GAS6: variants seen among roughly 807,000 people sequenced by gnomAD.
GAS6 encodes growth arrest specific 6.
In GAS6, 41 loss-of-function variants were observed where a neutral mutation model predicts 75.8. That is an observed-to-expected ratio of 0.54 (90% CI 0.42 to 0.70). GAS6 has a LOEUF of 0.70. Among genes scored for constraint, GAS6 ranks in the 30% least tolerant of loss-of-function variants. The probability of loss-of-function intolerance (pLI) is 0.00; values close to 1 mark genes in which losing one functional copy is unlikely to be tolerated. For missense variants in GAS6, 854 were observed against 940.2 expected, an observed-to-expected ratio of 0.91 and a Z score of 1.20; for synonymous variants, 432 against 412.6, an observed-to-expected ratio of 1.05 and a Z score of -0.57.
chr13:113,853,936 C>G (rs2051894694), intron 2 of GAS6, among the ~76,000 whole-genome samples: 1 of 152,252 alleles, frequency 6.6e-6, no homozygotes, highest in African/African-American at 2.4e-5. Context: ...GCAGCCTGCT[C>G]TAGCCCTGAG....
chr13:113,834,530 G>T (rs780670245), intron 8 of GAS6, 21 bp downstream of exon 8: 1 of 1,525,792 alleles, frequency 6.6e-7, no homozygotes, highest in Non-Finnish European at 8.8e-7. Context: ...TGAAGGGCCC[G>T]CGGGGCCAGG....
Position 113,847,002 on chromosome 13 carries a change from G to A in GAS6, c.281-413C>T, listed in dbSNP as rs144396150. On this transcript the variant is annotated intron_variant, in intron 3 of 14. Coordinates refer to ENST00000327773, the MANE Select transcript of GAS6 (RefSeq NM_000820.4). Reference sequence around the variant, plus strand: ...TCTGCTTTGGAGAAAGCCCCTCCATGCTCTCTGGCTGGCTGAACACAGCTT... The same window carrying A: ...TCTGCTTTGGAGAAAGCCCCTCCATACTCTCTGGCTGGCTGAACACAGCTT... The A allele has an allele frequency of 3.7e-3, 1,859 of 506,134 alleles. 11 individuals carry two copies. Among genetic ancestry groups the A allele is most frequent in the Non-Finnish European group, 6.2e-3 (1,586 of 255,084 alleles). 31.4% of individuals were successfully genotyped at this position (506,134 alleles called of 1,614,324 possible).
In GAS6 at chr13:113,846,559, G is replaced by T; in HGVS notation, c.311C>A (p.Thr104Asn). 6.2e-7 allele frequency: 1 copy of T among 1,614,054 alleles called. No homozygotes were observed. ...DCINKYGSPY[T>N]KNSGFATCVQ... ...GCAGGTGGCGAAGCCTGAGTTTTTG[G>T]TGTACGGAGACCCATACTTGTTGAT... is the stretch of plus-strand genomic sequence containing the variant. The change falls in exon 4 of 15, where the codon ACC (threonine) becomes AAC (asparagine). Residue 104 changes from threonine to asparagine, a missense_variant. Transcript: ENST00000327773.
At chr13:113,853,010 T>C (rs1329208133) in intron 2 of GAS6, among the ~76,000 whole-genome samples, 1 of 152,202 alleles carries the variant, frequency 6.6e-6, no homozygotes, top group Non-Finnish European at 1.5e-5. Flanking sequence ...CCCCTAGGCC[T>C]GCTCTGGGGC....
At chr13:113,857,118 T>C (rs1212533450) in intron 2 of GAS6, among the ~76,000 whole-genome samples, 5 of 152,078 alleles carry the variant, frequency 3.3e-5, no homozygotes, top group Non-Finnish European at 7.4e-5. Flanking sequence ...GTGGAGAAAA[T>C]GTATTTTCTT....
At position 113,827,149 on chromosome 13, in the gene GAS6, C is replaced by T. The variant is rs2051561229; in HGVS notation, c.1324G>A (p.Asp442Asn). The T allele has an allele frequency of 6.2e-7, 1 of 1,612,822 alleles. No individual in the cohort carries two copies. The highest frequency in any genetic ancestry group is 1.7e-5 in the Admixed American group (1 of 59,902). The change falls in exon 12 of 15, where the codon GAT becomes AAT. Residue 442 changes from aspartate (D) to asparagine (N), a missense_variant. Coordinates refer to ENST00000327773, the MANE Select transcript of GAS6 (RefSeq NM_000820.4). The part of the protein sequence containing the change: ...DLVQPINPRL[D>N]GCMRSWNWLN... ...CAGTTCCAGCTCCTCATGCAGCCAT[C>T]CAGACGAGGGTTTATCTGGAAAGGC... is the stretch of plus-strand genomic sequence containing the variant.
intron 2 of GAS6, among the ~76,000 whole-genome samples, chr13:113,855,489 C>T (rs1031464360): frequency 6.6e-6 from 1 of 152,220 alleles, no homozygotes; most frequent in African/African-American, 2.4e-5. Flanking sequence ...TTATTTACGG[C>T]CTCTCCGGAT....
chr13:113,842,442 A>T (rs1475652399), intron 4 of GAS6: 2 of 395,212 alleles, frequency 5.1e-6, no homozygotes, highest in Non-Finnish European at 8.9e-6. Context: ...GCATCAGCAC[A>T]GCCGCCAGGA....
At chr13:113,832,278 G>A (rs540191352) in intron 10 of GAS6, 21 bp downstream of exon 10, 74 of 1,593,972 alleles carry the variant, frequency 4.6e-5, no homozygotes, top group Non-Finnish European at 5.4e-5. Context: ...GGCCTGGAAG[G>A]GGTGGCTGCC....
At chr13:113,824,952 C>A (rs2051515786) in intron 12 of GAS6, among the ~76,000 whole-genome samples, 1 of 152,130 alleles carries the variant, frequency 6.6e-6, no homozygotes, top group Non-Finnish European at 1.5e-5. Flanking sequence ...GGCGTGGTGG[C>A]TCACGCCTGT....
intron 12 of GAS6, among the ~76,000 whole-genome samples, chr13:113,824,469 G>A (rs539038459): frequency 1.4e-4 from 21 of 152,218 alleles, no homozygotes; most frequent in African/African-American, 4.8e-4. Flanking sequence ...CAGGGAGAAT[G>A]CCACGGCATA....
intron 5 of GAS6, among the ~76,000 whole-genome samples, chr13:113,838,849 C>CAG (rs142571325): frequency 6.7e-6 from 1 of 148,862 alleles, no homozygotes; most frequent in Admixed American, 6.7e-5. Context: ...AGCCCCCGAG[C>CAG]AGAGAGAGAT....
At chr13:113,828,127 G>GTA (rs1566356405) in intron 11 of GAS6, among the ~76,000 whole-genome samples, 3 of 152,110 alleles carry the variant, frequency 2.0e-5, no homozygotes, top group East Asian at 1.9e-4. Context: ...AGCCGGACGT[G>GTA]GTGGCGGGCG....
At chr13:113,833,203 C>T in intron 8 of GAS6, 1 of 1,106,106 alleles carries the variant, frequency 9.0e-7, no homozygotes, top group Non-Finnish European at 1.1e-6. Flanking sequence ...GAGCTGACAC[C>T]CCTGGAAGAT....
At chr13:113,860,166 G>C (rs1313399404) in intron 2 of GAS6, among the ~76,000 whole-genome samples, 2 of 152,206 alleles carry the variant, frequency 1.3e-5, no homozygotes, top group Non-Finnish European at 2.9e-5. Context: ...GGGAGACAAA[G>C]AAAGAGATGG....
intron 2 of GAS6, among the ~76,000 whole-genome samples, chr13:113,861,771 AACAG>A (rs2051973369): frequency 6.6e-6 from 1 of 152,180 alleles, no homozygotes; most frequent in South Asian, 2.1e-4. Context: ...CAGAAACAGA[AACAG>A]ACAGCAAGCT....
intron 8 of GAS6, chr13:113,833,525 C>T (rs2051655612): frequency 2.0e-6 from 2 of 994,836 alleles, no homozygotes; most frequent in Non-Finnish European, 1.2e-6. Flanking sequence ...AAGACAAGAG[C>T]CGCCCTGCCC....
chr13:113,821,878 G>A lies in GAS6; in HGVS notation c.1882+80C>T, dbSNP rs910912705. The A allele has an allele frequency of 5.3e-6, 6 of 1,138,614 alleles. No individual in the cohort carries two copies. The Admixed American group carries it at 1.3e-4, about 25-fold the overall frequency. 70.5% of individuals were successfully genotyped at this position (1,138,614 alleles called of 1,614,324 possible). ...CATTCACTACCAGAAACCCCAGCCT[G>A]TCCAGGTTAGATCTGGGGTGACCAA... is the stretch of plus-strand genomic sequence containing the variant. On this transcript the variant is annotated intron_variant, in intron 14 of 14. Coordinates refer to ENST00000327773, the MANE Select transcript of GAS6 (RefSeq NM_000820.4).
At chr13:113,835,782 C>T (rs1403254057) in intron 6 of GAS6, 147 bp from the exon 7 acceptor site, 5 of 1,458,510 alleles carry the variant, frequency 3.4e-6, no homozygotes, top group Non-Finnish European at 4.5e-6. Flanking sequence ...CATTTCCCTG[C>T]CCTCCTCCCC....
Sources: gnomAD v4.1 joint callset for allele counts (sites outside exome capture counted in the v4.1 genomes callset) on GRCh38, gnomAD v4.1.1 for gene constraint, MANE v1.5 for transcripts, NCBI Gene and HGNC (gene_info 2026-07-23, HGNC 2026-07-21) for gene names.